CNST: variants seen among roughly 807,000 people sequenced by gnomAD.
CNST encodes the protein consortin, connexin sorting protein, also known as consortin.
In CNST, 39 loss-of-function variants were observed where a neutral mutation model predicts 72.4. The ratio of observed to expected loss-of-function variants is 0.54; its 90% CI spans 0.42 to 0.70. CNST has a LOEUF of 0.70. Among genes scored for constraint, CNST ranks in the 30% least tolerant of loss-of-function variants. The pLI is 0.00. For missense variants in CNST, 871 were observed against 868.5 expected (o/e 1.00, Z -0.04); for synonymous variants, 332 against 320.1 (o/e 1.04, Z -0.40).
At position 246,647,733 on chromosome 1, in the gene CNST, G is replaced by A; in HGVS notation, c.1532G>A (p.Cys511Tyr). The A allele has an allele frequency of 1.9e-6, 3 of 1,614,194 alleles. No individual in the cohort carries two copies. Among genetic ancestry groups the A allele is most frequent in the Non-Finnish European group, 2.5e-6 (3 of 1,180,038 alleles). Residue 511 changes from cysteine (C) to tyrosine (Y), a missense_variant, in exon 9 of 11, where the codon TGT becomes TAT. By Grantham distance (194) the Cys-to-Tyr change is radical. Transcript: ENST00000366513. ...ADSDGSENVL[C>Y]GNNQISDLGI... ...TCAGACGGTTCTGAGAATGTGCTCT[G>A]TGGAAATAATCAAATATCTGACTTA...
At chr1:246,657,054 G>A (rs768734650) in intron 9 of CNST, among the ~76,000 whole-genome samples, 6 of 152,152 alleles carry the variant, frequency 3.9e-5, no homozygotes, top group East Asian at 1.9e-4. Context: ...ACCCCAAACC[G>A]AGACCATGAC....
At chr1:246,585,664 TATACACACACACACACACACACACAC>T (rs1661109988) in intron 1 of CNST, among the ~76,000 whole-genome samples, 2 of 39,640 alleles carry the variant, frequency 5.0e-5, no homozygotes, top group Non-Finnish European at 8.8e-5. Flanking sequence ...AAAAAAAAAA[TATACACACACACACACACACACACAC>T]ACACACACAC....
intron 9 of CNST, among the ~76,000 whole-genome samples, chr1:246,655,183 C>A (rs904660091): frequency 6.6e-5 from 10 of 152,286 alleles, no homozygotes; most frequent in African/African-American, 2.2e-4. Context: ...TAATGCCTCA[C>A]CTAGAAACTT....
At chr1:246,629,479 A>C (rs942427409) in intron 3 of CNST, among the ~76,000 whole-genome samples, 2 of 152,228 alleles carry the variant, frequency 1.3e-5, no homozygotes, top group Non-Finnish European at 2.9e-5. Context: ...AGAAGCCTGC[A>C]AGCTAATTTC....
intron 9 of CNST, among the ~76,000 whole-genome samples, chr1:246,659,377 G>T (rs185095548): frequency 0.029 from 4,485 of 152,158 alleles, 227 homozygotes; most frequent in African/African-American, 0.1. Context: ...GGCAGATCAC[G>T]AGGTCAGGAG....
chr1:246,581,807 A>G (rs1169823690), intron 1 of CNST, among the ~76,000 whole-genome samples: 1 of 152,196 alleles, frequency 6.6e-6, no homozygotes, highest in South Asian at 2.1e-4. Context: ...TACTTGGTTT[A>G]TATTATTTTT....
chr1:246,634,090 G>C, intron 5 of CNST, 80 bp downstream of exon 5: 1 of 915,380 alleles, frequency 1.1e-6, no homozygotes, highest in Non-Finnish European at 1.8e-6. Flanking sequence ...TATTTGACCT[G>C]GTTTTATAAA....
intron 1 of CNST, among the ~76,000 whole-genome samples, chr1:246,576,646 A>G (rs1387119495): frequency 1.3e-5 from 2 of 151,282 alleles, no homozygotes; most frequent in African/African-American, 4.9e-5. Context: ...CAGGCATGTT[A>G]CCACGCGCGG....
chr1:246,574,198 C>T (rs1349631621), intron 1 of CNST, among the ~76,000 whole-genome samples: 2 of 152,054 alleles, frequency 1.3e-5, no homozygotes, highest in African/African-American at 2.4e-5. Flanking sequence ...CCCGCCACCG[C>T]GCCCGGCTAA....
In CNST at chr1:246,660,292, C is replaced by T; in HGVS notation, c.1930C>T (p.Arg644Ter). 6.2e-7 allele frequency: 1 copy of T among 1,613,962 alleles called. No individual in the cohort carries two copies. Among genetic ancestry groups the T allele is most frequent in the Non-Finnish European group, 8.5e-7 (1 of 1,179,950 alleles). ...CCAAATGCAACACAAACCATCTAAG[C>T]GAAGAGTGAGATTCCAAGAAATAGA... ...PAQMQHKPSK[R>*]RVRFQEIDDS... The change falls in exon 10 of 11, where the codon CGA (arginine) becomes TGA (stop). Residue 644 changes from arginine to a stop codon, truncating the protein, a stop_gained. Transcript: ENST00000366513. LOFTEE classifies it high-confidence loss of function.
intron 1 of CNST, among the ~76,000 whole-genome samples, chr1:246,585,664 TATACAC>T (rs1163130047): frequency 0.037 from 1,478 of 39,604 alleles, 42 homozygotes; most frequent in Middle Eastern, 0.083. Context: ...AAAAAAAAAA[TATACAC>T]ACACACACAC....
At chr1:246,640,950 C>T (rs1665645858) in intron 6 of CNST, among the ~76,000 whole-genome samples, 1 of 152,202 alleles carries the variant, frequency 6.6e-6, no homozygotes, top group Admixed American at 6.5e-5. Context: ...CATTCCAGCC[C>T]TGCAGAAGGC....
intron 1 of CNST, among the ~76,000 whole-genome samples, chr1:246,586,137 GTGTGTA>G (rs1353519980): frequency 4.2e-5 from 6 of 142,364 alleles, no homozygotes; most frequent in Non-Finnish European, 9.2e-5. Flanking sequence ...GTGTGTGTGT[GTGTGTA>G]TATATTACTG....
chr1:246,642,063 G>A (rs750025948), intron 8 of CNST, 26 bp downstream of exon 8: 30 of 1,395,400 alleles, frequency 2.1e-5, no homozygotes, highest in Non-Finnish European at 2.7e-5. Context: ...AAGCTATGGA[G>A]CAACGTAAAA....
At chr1:246,585,926 A>C (rs1443952716) in intron 1 of CNST, among the ~76,000 whole-genome samples, 1 of 151,744 alleles carries the variant, frequency 6.6e-6, no homozygotes, top group East Asian at 1.9e-4. Flanking sequence ...CAAAAAATTT[A>C]AAAATTAGCT....
intron 9 of CNST, among the ~76,000 whole-genome samples, chr1:246,657,119 C>G (rs975406805): frequency 6.6e-6 from 1 of 152,074 alleles, no homozygotes; most frequent in African/African-American, 2.4e-5. Context: ...CCCCACCAAA[C>G]TTGTTTCTTA....
intron 2 of CNST, among the ~76,000 whole-genome samples, chr1:246,619,690 G>A (rs977200593): frequency 6.6e-6 from 1 of 152,270 alleles, no homozygotes; most frequent in Non-Finnish European, 1.5e-5. Flanking sequence ...GTTAGGATCT[G>A]TAATTGCTCA....
chr1:246,607,930 A>C (rs531260198), intron 2 of CNST: 32 of 152,102 alleles, frequency 2.1e-4, no homozygotes, highest in African/African-American at 6.3e-4. Flanking sequence ...AAAATACAAA[A>C]ATTAGCCGGG....
At chr1:246,635,628 T>C (rs965290485) in intron 6 of CNST, among the ~76,000 whole-genome samples, 2 of 152,232 alleles carry the variant, frequency 1.3e-5, no homozygotes, top group Non-Finnish European at 2.9e-5. Context: ...CAGCCTGTTT[T>C]GATAAATTGC....
Sources: allele counts gnomAD v4.1 joint callset (sites outside exome capture counted in the v4.1 genomes callset), GRCh38; gene constraint gnomAD v4.1.1; transcripts MANE v1.5; gene names NCBI Gene and HGNC (gene_info 2026-07-23, HGNC 2026-07-21).